The following ITSN1 variants were observed in gnomAD, a reference collection of about 807,000 sequenced individuals.
The protein encoded by ITSN1 is intersectin 1, also known as intersectin-1.
In ITSN1, 58 loss-of-function variants were observed where a neutral mutation model predicts 239.8. That is an observed-to-expected ratio of 0.24 (90% CI 0.20 to 0.30). ITSN1 has a LOEUF of 0.30. Ranked by LOEUF, ITSN1 falls within the 10% of genes least tolerant of loss-of-function variation. The pLI, the probability that ITSN1 is intolerant of heterozygous loss-of-function variation, is 1.00. For missense variants in ITSN1, 1,558 were observed against 2,103.3 expected (o/e 0.74, Z 5.07); for synonymous variants, 780 against 770.8 (o/e 1.01, Z -0.20).
In ITSN1 at chr21:33,799,750, A is replaced by G. The variant is rs2071833266; in HGVS notation, c.2183-58A>G. On this transcript the variant is annotated intron_variant, in intron 18 of 39. Coordinates refer to ENST00000381318, the MANE Select transcript of ITSN1 (RefSeq NM_003024.3). ...GGTTAGTTGTTTGGCTTGTTGTCAT[A>G]CATTTGTGTTCTCTGTAATTATTTA... The G allele has an allele frequency of 3.2e-6, 5 of 1,583,462 alleles. No individual in the cohort carries two copies. The South Asian group carries it at 5.7e-5, about 18-fold the overall frequency.
Position 33,687,398 on chromosome 21 carries a change from TAAAAAAAAAAA to T in ITSN1, c.-32-31379_-32-31369del, listed in dbSNP as rs58230508. ...GGGCAACAAGAGCAGAACTCCATCT[TAAAAAAAAAAA>T]AAAAAAAAAAAAAAAAAAAGAATTT... On this transcript the variant is annotated intron_variant, in intron 1 of 39. Transcript: ENST00000381318. 1.6e-4 allele frequency among the ~76,000 whole-genome samples: 13 copies of T among 81,342 alleles called. No individual in the cohort carries two copies. In the East Asian group the frequency reaches 3.6e-3, roughly 22 times the overall value. The allele number at this position is 81,342 out of a possible 152,430, so 53.4% of individuals were successfully genotyped here.
intron 16 of ITSN1, among the ~76,000 whole-genome samples, chr21:33,783,425 G>A (rs1391989741): frequency 6.6e-6 from 1 of 152,142 alleles, no homozygotes; most frequent in African/African-American, 2.4e-5. Flanking sequence ...TTCCAGGAAA[G>A]TGCTCTTAGG....
chr21:33,886,988 A>T (rs1041914017), intron 39 of ITSN1, among the ~76,000 whole-genome samples: 1 of 152,120 alleles, frequency 6.6e-6, no homozygotes. Context: ...TCTCAGCCCA[A>T]TGATTCCAAG....
intron 20 of ITSN1, among the ~76,000 whole-genome samples, chr21:33,809,897 G>A (rs1376362917): frequency 6.6e-6 from 1 of 152,114 alleles, no homozygotes; most frequent in African/African-American, 2.4e-5. Flanking sequence ...GGGTTCAAGC[G>A]ATTCTTCTGC....
intron 1 of ITSN1, among the ~76,000 whole-genome samples, chr21:33,674,720 T>G (rs1235101483): frequency 6.6e-6 from 1 of 152,168 alleles, no homozygotes; most frequent in Non-Finnish European, 1.5e-5. Context: ...TGGAAATAAT[T>G]TAATTTTAAA....
At chr21:33,793,314 T>G (rs1014762851) in intron 16 of ITSN1, among the ~76,000 whole-genome samples, 2 of 152,164 alleles carry the variant, frequency 1.3e-5, no homozygotes, top group Admixed American at 6.5e-5. Context: ...GGGCAAATCT[T>G]AGTCCTTAAC....
Position 33,684,935 on chromosome 21 carries a change from TTTC to T in ITSN1, c.-32-33859_-32-33857del, listed in dbSNP as rs1164027663. Among the ~76,000 whole-genome samples, 3 of 152,344 alleles carry T rather than the reference TTTC, an allele frequency of 2.0e-5. No individual in the cohort carries two copies. The East Asian group carries it at 5.8e-4, about 29-fold the overall frequency. On this transcript the variant is annotated intron_variant, in intron 1 of 39. Transcript: ENST00000381318. Reference sequence around the variant, plus strand: ...AGGGGATTTACTTTCTAAAACTAGCTTTCTTTTCTTTCTGTCTAACCTTTTATT... The same window carrying T: ...AGGGGATTTACTTTCTAAAACTAGCTTTTTCTTTCTGTCTAACCTTTTATT...
At chr21:33,811,275 T>C (rs1055337298) in intron 21 of ITSN1, 53 bp downstream of exon 21, 2 of 1,501,234 alleles carry the variant, frequency 1.3e-6, no homozygotes, top group Non-Finnish European at 1.8e-6. Context: ...ATTTGATCAT[T>C]TCCCCCCCAC....
chr21:33,786,770 G>A (rs901159923), intron 16 of ITSN1, among the ~76,000 whole-genome samples: 7 of 152,210 alleles, frequency 4.6e-5, no homozygotes, highest in Middle Eastern at 3.2e-3. Context: ...TCTAGTCAGT[G>A]TGTACTGGAC....
intron 33 of ITSN1, among the ~76,000 whole-genome samples, chr21:33,874,156 CAAAA>C (rs778588764): frequency 6.8e-5 from 2 of 29,198 alleles, no homozygotes; most frequent in African/African-American, 1.2e-4. Flanking sequence ...AACTCCGTCT[CAAAA>C]AAAAAAAAAA....
Position 33,772,279 on chromosome 21 carries a change from C to A in ITSN1, c.1261C>A (p.Arg421=). 1.9e-6 allele frequency: 3 copies of A among 1,574,200 alleles called. No individual in the cohort carries two copies. Among genetic ancestry groups the A allele is most frequent in the Middle Eastern group, 1.7e-4 (1 of 6,010 alleles). The change falls in exon 12 of 40, where the codon CGG becomes AGG. Residue 421 remains arginine, a synonymous_variant. Transcript: ENST00000381318. ...KQLEKQRELE[R]QREEERRKEI... is the part of the protein sequence containing the mutation. ...ACTGGAAAAGCAGCGGGAGCTAGAA[C>A]GGCAGAGAGAGGAGGAGAGGAGGAA...
At chr21:33,825,732 C>CT (rs2073939874) in intron 25 of ITSN1, among the ~76,000 whole-genome samples, 5 of 152,080 alleles carry the variant, frequency 3.3e-5, no homozygotes, top group Admixed American at 3.3e-4. Flanking sequence ...ATTGGTATTC[C>CT]TTTTTTTGAT....
chr21:33,832,747 C>CT (rs1020392317), intron 27 of ITSN1, among the ~76,000 whole-genome samples: 2 of 152,166 alleles, frequency 1.3e-5, no homozygotes, highest in Non-Finnish European at 1.5e-5. Context: ...GGGATGGAAT[C>CT]TATCAGACCT....
At chr21:33,732,788 A>C (rs1218642438) in intron 4 of ITSN1, among the ~76,000 whole-genome samples, 2 of 152,212 alleles carry the variant, frequency 1.3e-5, no homozygotes, top group Non-Finnish European at 2.9e-5. Flanking sequence ...TCTGTGCTTG[A>C]AATAAGCACC....
In ITSN1 at chr21:33,893,602, A is replaced by C. The variant is rs1279151590; in HGVS notation, c.*5302A>C. The C allele has an allele frequency of 6.6e-6, 1 of 152,204 alleles. No individual in the cohort carries two copies. The highest frequency in any genetic ancestry group is 1.5e-5 in the Non-Finnish European group (1 of 68,060). The allele number at this position is 152,204 out of a possible 1,614,324, so 9.4% of individuals were successfully genotyped here. A position where few individuals can be genotyped will look rare whatever the true frequency, so the allele number is the denominator to read the frequency against. ...GAGAGTCCTTCTCAAAACAAACAAAAAAAGAGCTAATGCAGACCTCTTCTG... is the reference window on the plus strand; with the variant it reads ...GAGAGTCCTTCTCAAAACAAACAAACAAAGAGCTAATGCAGACCTCTTCTG... On this transcript the variant is annotated 3_prime_UTR_variant, in exon 40 of 40. Transcript: ENST00000381318.
chr21:33,674,873 ATC>A (rs1228441565), intron 1 of ITSN1, among the ~76,000 whole-genome samples: 2 of 152,200 alleles, frequency 1.3e-5, no homozygotes. Context: ...TCCATTCAGT[ATC>A]TCTTTTATGT....
intron 38 of ITSN1, 91 bp from the exon 39 acceptor site, chr21:33,886,196 A>G: frequency 3.6e-6 from 4 of 1,121,904 alleles, no homozygotes; most frequent in Non-Finnish European, 3.9e-6. Flanking sequence ...TGGGCGACAG[A>G]GCAAGAATCC....
intron 19 of ITSN1, 147 bp from the exon 20 acceptor site, chr21:33,802,283 C>A: frequency 1.4e-6 from 1 of 723,118 alleles, no homozygotes; most frequent in Non-Finnish European, 2.4e-6. Flanking sequence ...CACTTGTAAT[C>A]CTAGGCCTGT....
intron 1 of ITSN1, among the ~76,000 whole-genome samples, chr21:33,682,400 AGG>A (rs1568927666): frequency 1.3e-5 from 2 of 151,880 alleles, no homozygotes; most frequent in Non-Finnish European, 2.9e-5. Flanking sequence ...TTTTTGGTAG[AGG>A]CGGGGTTTCT....
Sources: gnomAD v4.1 joint callset for allele counts (sites outside exome capture counted in the v4.1 genomes callset) on GRCh38, gnomAD v4.1.1 for gene constraint, MANE v1.5 for transcripts, NCBI Gene and HGNC (gene_info 2026-07-23, HGNC 2026-07-21) for gene names.